The following TSNARE1 variants were observed in gnomAD, a reference collection of about 807,000 sequenced individuals.
The protein encoded by TSNARE1 is t-SNARE domain containing 1, also known as t-SNARE domain-containing protein 1.
A neutral mutation model predicts 62.0 loss-of-function variants in TSNARE1; 49 were observed. The observed-to-expected ratio is 0.79, with a 90% CI of 0.63 to 1.00. TSNARE1 has a LOEUF of 1.00. Ranked by LOEUF, TSNARE1 falls within the 50% of genes least tolerant of loss-of-function variation. The pLI is 0.00. For missense variants in TSNARE1, 755 were observed against 700.1 expected, an observed-to-expected ratio of 1.08 and a Z score of -0.88; for synonymous variants, 328 against 294.4, an observed-to-expected ratio of 1.11 and a Z score of -1.17.
intron 11 of TSNARE1, chr8:142,275,963 G>T (rs975548969): frequency 4.1e-6 from 4 of 985,408 alleles, no homozygotes; most frequent in Non-Finnish European, 4.8e-6. Flanking sequence ...ATCTCTGCAA[G>T]CCCCCTGGGC....
At chr8:142,314,774 G>A (rs1828262292) in intron 8 of TSNARE1, among the ~76,000 whole-genome samples, 1 of 152,236 alleles carries the variant, frequency 6.6e-6, no homozygotes, top group South Asian at 2.1e-4. Flanking sequence ...CTTCCCCAGA[G>A]CTACTGTGGG....
chr8:142,273,561 C>G (rs1819945355), intron 12 of TSNARE1: 1 of 985,326 alleles, frequency 1.0e-6, no homozygotes. Context: ...TCTCCCAGGT[C>G]TTGTCTCCCG....
In TSNARE1 at chr8:142,290,813, C is replaced by A. The variant is rs1025606038; in HGVS notation, c.1291-6328G>T. Reference sequence around the variant, plus strand: ...CTCCGCATCCCATCCTCCGCCCTCCCGGGCCTGCCAGGTAGCCATGGCAAC... The same window carrying A: ...CTCCGCATCCCATCCTCCGCCCTCCAGGGCCTGCCAGGTAGCCATGGCAAC... On this transcript the variant is annotated intron_variant, in intron 10 of 13. Transcript: ENST00000524325. Among the ~76,000 whole-genome samples, 9 of 152,242 alleles carry A rather than the reference C, an allele frequency of 5.9e-5. No homozygotes were observed. The East Asian group carries it at 1.7e-3, about 29-fold the overall frequency.
At chr8:142,283,010 AG>A (rs888554262) in intron 11 of TSNARE1, among the ~76,000 whole-genome samples, 2 of 148,858 alleles carry the variant, frequency 1.3e-5, no homozygotes, top group Admixed American at 1.3e-4. Flanking sequence ...GCCAATGAGC[AG>A]AGGCGGGGTC....
chr8:142,285,898 A>T lies in TSNARE1; in HGVS notation c.1291-1413T>A, dbSNP rs375244732. 2.2e-4 allele frequency among the ~76,000 whole-genome samples: 33 copies of T among 152,312 alleles called. No individual in the cohort carries two copies. The East Asian group carries it at 3.9e-3, about 18-fold the overall frequency. ...CACACACCTGGGCTGTGCTTCAGGC[A>T]AGGCACATACCATCCCCTTCACACC... On this transcript the variant is annotated intron_variant, in intron 10 of 13. Transcript: ENST00000524325.
rs1271962232 is a variant in TSNARE1, at chr8:142,291,928, C to G, written c.1291-7443G>C. 1.3e-5 allele frequency among the ~76,000 whole-genome samples: 2 copies of G among 152,002 alleles called. No individual in the cohort carries two copies. Among genetic ancestry groups the G allele is most frequent in the Non-Finnish European group, 2.9e-5 (2 of 67,996 alleles). On this transcript the variant is annotated intron_variant, in intron 10 of 13. Transcript: ENST00000524325. The surrounding 1 kb of genome is among the most constrained non-coding windows in gnomAD (Gnocchi z 4.8). ...CAGTCCATTGGGAGTACGGGGTCAG[C>G]TGCCTCTCCCGTGGACGGTCACAGC...
intron 12 of TSNARE1, chr8:142,273,296 CT>C: frequency 1.0e-6 from 1 of 985,458 alleles, no homozygotes; most frequent in Non-Finnish European, 1.2e-6. Context: ...GGTCATCTTG[CT>C]GGCTGGCTTT....
At chr8:142,268,253 G>GTT (rs1015868283) in intron 12 of TSNARE1, among the ~76,000 whole-genome samples, 5 of 152,230 alleles carry the variant, frequency 3.3e-5, no homozygotes, top group Non-Finnish European at 7.3e-5. Flanking sequence ...CAGCTCTCAG[G>GTT]AAACTGTCCT....
chr8:142,260,307 A>C (rs1818793378), intron 12 of TSNARE1, among the ~76,000 whole-genome samples: 1 of 152,280 alleles, frequency 6.6e-6, no homozygotes, highest in Middle Eastern at 3.4e-3. Context: ...ACAACTGTTT[A>C]GAGATGGAAA....
intron 12 of TSNARE1, among the ~76,000 whole-genome samples, chr8:142,238,094 G>A (rs1407140270): frequency 6.6e-6 from 1 of 152,062 alleles, no homozygotes; most frequent in Non-Finnish European, 1.5e-5. Flanking sequence ...CAGGCATCCT[G>A]GTGACTGCGT....
intron 13 of TSNARE1, among the ~76,000 whole-genome samples, chr8:142,227,978 G>A (rs1025122484): frequency 1.3e-5 from 2 of 152,186 alleles, no homozygotes; most frequent in African/African-American, 4.8e-5. Flanking sequence ...CTGAGCAAGG[G>A]TGGCATCCAC....
At chr8:142,310,747 C>T (rs952740283) in intron 9 of TSNARE1, among the ~76,000 whole-genome samples, 2 of 152,128 alleles carry the variant, frequency 1.3e-5, no homozygotes, top group Non-Finnish European at 2.9e-5. Flanking sequence ...CTTTAATGTG[C>T]TCTTAACATT....
At chr8:142,285,924 T>C (rs1822663314) in intron 10 of TSNARE1, among the ~76,000 whole-genome samples, 1 of 152,182 alleles carries the variant, frequency 6.6e-6, no homozygotes, top group Non-Finnish European at 1.5e-5. Flanking sequence ...CCTTCACACC[T>C]GGCACCCACC....
intron 4 of TSNARE1, among the ~76,000 whole-genome samples, chr8:142,339,272 G>T (rs1832197333): frequency 6.6e-6 from 1 of 152,184 alleles, no homozygotes; most frequent in Non-Finnish European, 1.5e-5. Flanking sequence ...AAGGAGCGAA[G>T]AATCGGATGC....
chr8:142,294,407 C>T (rs1332885269), intron 10 of TSNARE1, among the ~76,000 whole-genome samples: 1 of 152,222 alleles, frequency 6.6e-6, no homozygotes, highest in Non-Finnish European at 1.5e-5. Flanking sequence ...TTTGCAGTCA[C>T]TATCTCAAGG....
intron 1 of TSNARE1, among the ~76,000 whole-genome samples, chr8:142,391,991 C>G (rs1203191726): frequency 6.6e-6 from 1 of 152,246 alleles, no homozygotes; most frequent in Non-Finnish European, 1.5e-5. Context: ...GACAACACCT[C>G]CTGAAGGCCC....
intron 12 of TSNARE1, among the ~76,000 whole-genome samples, chr8:142,261,541 TC>T (rs1818888684): frequency 6.6e-6 from 1 of 151,944 alleles, no homozygotes; most frequent in Non-Finnish European, 1.5e-5. Flanking sequence ...CTATAGCCGC[TC>T]CCACTGCACA....
At chr8:142,237,076 G>C (rs1469754775) in intron 12 of TSNARE1, among the ~76,000 whole-genome samples, 1 of 10 alleles carries the variant, frequency 0.1, no homozygotes, top group African/African-American at 0.25. Flanking sequence ...CCAGAACGGC[G>C]GGGTGGGCGG....
chr8:142,344,519 A>AGGCAGCGGCCCCGGC (rs1833089959), intron 3 of TSNARE1, 47 bp from the exon 4 acceptor site: 29 of 1,440,874 alleles, frequency 2.0e-5, no homozygotes, highest in Non-Finnish European at 2.6e-5. Context: ...GGGCCTGTGG[A>AGGCAGCGGCCCCGGC]GGCAGCGGCC....
Sources: allele counts gnomAD v4.1 joint callset (sites outside exome capture counted in the v4.1 genomes callset), GRCh38; gene constraint gnomAD v4.1.1; non-coding constraint Gnocchi (gnomAD v3.1); transcripts MANE v1.5; gene names NCBI Gene and HGNC (gene_info 2026-07-23, HGNC 2026-07-21).